The following RNF38 variants were observed in gnomAD, a reference collection of about 807,000 sequenced individuals.
The protein encoded by RNF38 is E3 ubiquitin-protein ligase RNF38.
A neutral mutation model predicts 67.2 loss-of-function variants in RNF38; 15 were observed. The observed-to-expected ratio is 0.22, with a 90% confidence interval of 0.15 to 0.34. The LOEUF is 0.34. Ranked by LOEUF, RNF38 falls within the 10% of genes least tolerant of loss-of-function variation. The probability of loss-of-function intolerance (pLI) is 1.00; values close to 1 mark genes in which losing one functional copy is unlikely to be tolerated. For synonymous variants in RNF38, 220 were observed against 218.8 expected (o/e 1.01, Z -0.05); for missense variants, 524 against 639.9 (o/e 0.82, Z 1.95).
chr9:36,356,549 A>G, intron 5 of RNF38, 76 bp from the exon 6 acceptor site: 1 of 1,271,762 alleles, frequency 7.9e-7, no homozygotes, highest in Non-Finnish European at 1.1e-6. Context: ...TGAGATTAAA[A>G]TCTGTCATTG....
At chr9:36,375,819 T>C in intron 3 of RNF38, 115 bp downstream of exon 3, 1 of 904,102 alleles carries the variant, frequency 1.1e-6, no homozygotes, top group Non-Finnish European at 1.7e-6. Context: ...AATGTACGTG[T>C]ATATGTGGTG....
intron 1 of RNF38, among the ~76,000 whole-genome samples, chr9:36,431,155 A>G (rs890173654): frequency 6.6e-6 from 1 of 152,186 alleles, no homozygotes; most frequent in Non-Finnish European, 1.5e-5. Flanking sequence ...ATTTGCTACA[A>G]TGGCTCATAA....
At chr9:36,482,718 A>G (rs1564080508) in intron 1 of RNF38, among the ~76,000 whole-genome samples, 1 of 152,190 alleles carries the variant, frequency 6.6e-6, no homozygotes, top group Non-Finnish European at 1.5e-5. Context: ...AAAGTTTACT[A>G]TTTTAAGCTG....
intron 2 of RNF38, among the ~76,000 whole-genome samples, chr9:36,377,330 T>C (rs1239168883): frequency 6.6e-6 from 1 of 152,196 alleles, no homozygotes; most frequent in Non-Finnish European, 1.5e-5. Context: ...AAAATCATCT[T>C]ATACCACTGC....
At chr9:36,364,362 CATT>C (rs1483411189) in intron 4 of RNF38, among the ~76,000 whole-genome samples, 2 of 152,032 alleles carry the variant, frequency 1.3e-5, no homozygotes, top group Non-Finnish European at 2.9e-5. Context: ...TATTGGTCAA[CATT>C]AGTCTATTAG....
At chr9:36,445,425 T>C in intron 1 of RNF38, among the ~76,000 whole-genome samples, 1 of 152,256 alleles carries the variant, frequency 6.6e-6, no homozygotes, top group Admixed American at 6.5e-5. Context: ...TACTTATTTG[T>C]TGCATTCTTT....
intron 1 of RNF38, among the ~76,000 whole-genome samples, chr9:36,463,117 G>C (rs558687362): frequency 4.6e-5 from 7 of 152,030 alleles, no homozygotes; most frequent in Admixed American, 2.0e-4. Flanking sequence ...GGCCTACCCT[G>C]ATCTGTTTTT....
intron 1 of RNF38, among the ~76,000 whole-genome samples, chr9:36,442,164 G>A (rs372713938): frequency 3.4e-4 from 51 of 152,118 alleles, no homozygotes; most frequent in Middle Eastern, 3.4e-3. Flanking sequence ...AGCTCAAACC[G>A]GCTGTCAACT....
At chr9:36,434,212 C>G (rs1473541775) in intron 1 of RNF38, among the ~76,000 whole-genome samples, 1 of 143,932 alleles carries the variant, frequency 6.9e-6, no homozygotes, top group Non-Finnish European at 1.5e-5. Context: ...CTCCAGCTTG[C>G]CGACAGAGCG....
chr9:36,396,321 G>T (rs545876876), intron 1 of RNF38, among the ~76,000 whole-genome samples: 1 of 152,186 alleles, frequency 6.6e-6, no homozygotes, highest in Non-Finnish European at 1.5e-5. Flanking sequence ...ACCATTAAAT[G>T]AAGTCAGTGG....
At chr9:36,429,688 G>A (rs1838877997) in intron 1 of RNF38, among the ~76,000 whole-genome samples, 1 of 152,108 alleles carries the variant, frequency 6.6e-6, no homozygotes, top group African/African-American at 2.4e-5. Flanking sequence ...CAGCTACTCG[G>A]GAGGCTGAGG....
intron 2 of RNF38, among the ~76,000 whole-genome samples, chr9:36,420,803 G>A (rs1383581473): frequency 1.3e-5 from 2 of 152,132 alleles, no homozygotes; most frequent in Non-Finnish European, 2.9e-5. Context: ...GTGAACGAAT[G>A]TAAAAATAAT....
intron 1 of RNF38, among the ~76,000 whole-genome samples, chr9:36,463,498 G>T (rs1839784611): frequency 6.6e-6 from 1 of 152,060 alleles, no homozygotes; most frequent in African/African-American, 2.4e-5. Flanking sequence ...CCATTCTGCT[G>T]GGTGTCTCCT....
intron 9 of RNF38, among the ~76,000 whole-genome samples, chr9:36,348,354 T>TC: frequency 6.6e-6 from 1 of 151,742 alleles, no homozygotes; most frequent in Middle Eastern, 3.5e-3. Context: ...GTATCTACTG[T>TC]CCCAGCTACT....
At chr9:36,395,055 T>C (rs559222334) in intron 1 of RNF38, among the ~76,000 whole-genome samples, 2 of 152,302 alleles carry the variant, frequency 1.3e-5, no homozygotes, top group African/African-American at 2.4e-5. Context: ...ATATGACTAA[T>C]TCATTAAGCA....
At chr9:36,400,426 G>C (rs556797274), upstream of RNF38, 17 of 1,107,034 alleles carry the variant, frequency 1.5e-5, no homozygotes, top group East Asian at 2.1e-4. Context: ...TCGCCACCGC[G>C]GGAACAAAGA....
intron 2 of RNF38, among the ~76,000 whole-genome samples, chr9:36,408,592 A>T (rs919906085): frequency 1.1e-4 from 16 of 152,164 alleles, no homozygotes; most frequent in African/African-American, 3.6e-4. Flanking sequence ...CTAGGCCCAA[A>T]CTATAATCTA....
At chr9:36,394,363 T>C (rs765605384) in intron 1 of RNF38, among the ~76,000 whole-genome samples, 1 of 152,166 alleles carries the variant, frequency 6.6e-6, no homozygotes, top group African/African-American at 2.4e-5. Context: ...TCCTGATTCA[T>C]GGAAATTGTA....
chr9:36,347,620 C>T (rs540013018), intron 9 of RNF38, among the ~76,000 whole-genome samples: 3 of 152,330 alleles, frequency 2.0e-5, no homozygotes, highest in Non-Finnish European at 4.4e-5. Flanking sequence ...GGTATTCTGA[C>T]TACTCCACTG....
Sources: gnomAD v4.1 joint callset for allele counts (sites outside exome capture counted in the v4.1 genomes callset) on GRCh38, gnomAD v4.1.1 for gene constraint, MANE v1.5 for transcripts, NCBI Gene and HGNC (gene_info 2026-07-23, HGNC 2026-07-21) for gene names.